CNTN4: variants seen among roughly 807,000 people sequenced by gnomAD.
CNTN4 encodes contactin 4.
In CNTN4, 77 loss-of-function variants were observed where a neutral mutation model predicts 122.5. That is an observed-to-expected ratio of 0.63 (90% CI 0.52 to 0.76). The LOEUF (loss-of-function observed/expected upper bound fraction) is 0.76. Among genes scored for constraint, CNTN4 ranks in the 30% least tolerant of loss-of-function variants. The probability of loss-of-function intolerance (pLI) is 0.00; values close to 1 mark genes in which losing one functional copy is unlikely to be tolerated. For missense variants in CNTN4, 1,256 were observed against 1,259.1 expected (o/e 1.00, Z 0.04); for synonymous variants, 512 against 447.0 (o/e 1.15, Z -1.83).
intron 3 of CNTN4, among the ~76,000 whole-genome samples, chr3:2,360,306 T>A (rs1044070392): frequency 6.6e-6 from 1 of 152,080 alleles, no homozygotes; most frequent in Non-Finnish European, 1.5e-5. Flanking sequence ...TAAAAAAAAA[T>A]ATTTTACTGT....
intron 4 of CNTN4, among the ~76,000 whole-genome samples, chr3:2,640,994 G>A (rs908234746): frequency 6.6e-6 from 1 of 152,166 alleles, no homozygotes; most frequent in Non-Finnish European, 1.5e-5. Flanking sequence ...AAAATTGGAG[G>A]GAGGTCATAA....
chr3:2,328,237 C>G (rs888818715), intron 2 of CNTN4, among the ~76,000 whole-genome samples: 1 of 151,746 alleles, frequency 6.6e-6, no homozygotes, highest in Admixed American at 6.6e-5. Flanking sequence ...AACCCCGTCT[C>G]TACTAAAAAT....
At chr3:2,930,475 A>G (rs1178322177) in intron 13 of CNTN4, among the ~76,000 whole-genome samples, 2 of 152,194 alleles carry the variant, frequency 1.3e-5, no homozygotes, top group African/African-American at 4.8e-5. Flanking sequence ...GAGACAAAAT[A>G]TTTTACTTTT....
chr3:3,003,013 C>T (rs548980469), intron 14 of CNTN4, among the ~76,000 whole-genome samples: 1 of 152,268 alleles, frequency 6.6e-6, no homozygotes, highest in East Asian at 1.9e-4. Context: ...CTTCATATAC[C>T]TGTCAAAATG....
intron 13 of CNTN4, among the ~76,000 whole-genome samples, chr3:2,943,272 T>A (rs1322138879): frequency 6.6e-6 from 1 of 152,140 alleles, no homozygotes; most frequent in Non-Finnish European, 1.5e-5. Context: ...TCCTGATGTA[T>A]TTTTCCACAG....
intron 3 of CNTN4, among the ~76,000 whole-genome samples, chr3:2,415,271 T>A (rs952312887): frequency 3.9e-5 from 6 of 152,302 alleles, no homozygotes; most frequent in Middle Eastern, 3.4e-3. Context: ...GCAACAGTAT[T>A]TTATAAAAGT....
chr3:2,916,551 G>A (rs1223772460), intron 12 of CNTN4, among the ~76,000 whole-genome samples: 1 of 141,332 alleles, frequency 7.1e-6, no homozygotes, highest in Non-Finnish European at 1.5e-5. Context: ...TCCCAAGGCA[G>A]AAGAATTTTT....
At chr3:2,936,221 A>T (rs561274874) in intron 13 of CNTN4, among the ~76,000 whole-genome samples, 1 of 152,292 alleles carries the variant, frequency 6.6e-6, no homozygotes, top group South Asian at 2.1e-4. Flanking sequence ...CTGGGAAAGC[A>T]TTTCAACTTC....
chr3:2,213,941 T>G (rs2038727126), intron 2 of CNTN4, among the ~76,000 whole-genome samples: 1 of 152,142 alleles, frequency 6.6e-6, no homozygotes, highest in African/African-American at 2.4e-5. Flanking sequence ...CCTTATTGTG[T>G]TCAGAAATTA....
chr3:2,418,592 T>G (rs920159902), intron 3 of CNTN4, among the ~76,000 whole-genome samples: 1 of 152,224 alleles, frequency 6.6e-6, no homozygotes, highest in East Asian at 1.9e-4. Context: ...GCGATTGCAT[T>G]TCTTTATTTA....
intron 2 of CNTN4, among the ~76,000 whole-genome samples, chr3:2,113,601 C>T (rs1353463988): frequency 6.6e-6 from 1 of 152,146 alleles, no homozygotes; most frequent in African/African-American, 2.4e-5. Context: ...ACACAACCTG[C>T]TTAATTGTAT....
At chr3:2,681,383 A>G (rs2085156899) in intron 4 of CNTN4, among the ~76,000 whole-genome samples, 1 of 152,162 alleles carries the variant, frequency 6.6e-6, no homozygotes, top group South Asian at 2.1e-4. Context: ...TGATCTCACC[A>G]GCAGTGCAAG....
intron 4 of CNTN4, among the ~76,000 whole-genome samples, chr3:2,676,210 C>T (rs374657773): frequency 1.3e-5 from 2 of 151,818 alleles, no homozygotes; most frequent in Non-Finnish European, 2.9e-5. Flanking sequence ...AAGATGTAAC[C>T]GACTGAGTGG....
intron 3 of CNTN4, among the ~76,000 whole-genome samples, chr3:2,430,757 A>G (rs1279337288): frequency 1.3e-5 from 2 of 152,140 alleles, no homozygotes; most frequent in African/African-American, 2.4e-5. Context: ...GTATACCTAT[A>G]TTATTCTACA....
intron 13 of CNTN4, among the ~76,000 whole-genome samples, chr3:2,950,468 C>G (rs1334551091): frequency 2.0e-5 from 3 of 152,156 alleles, no homozygotes; most frequent in African/African-American, 7.2e-5. Context: ...GTTAGGCCTG[C>G]CACTGTCTGT....
At chr3:2,744,619 G>A (rs1323778970) in intron 5 of CNTN4, among the ~76,000 whole-genome samples, 1 of 152,214 alleles carries the variant, frequency 6.6e-6, no homozygotes, top group Admixed American at 6.5e-5. Context: ...ATCGGATAGT[G>A]ACTGAGTTAT....
At chr3:2,638,167 T>C (rs1414783271) in intron 4 of CNTN4, among the ~76,000 whole-genome samples, 1 of 152,222 alleles carries the variant, frequency 6.6e-6, no homozygotes, top group Non-Finnish European at 1.5e-5. Context: ...AATTTTTCCA[T>C]TAACTTCTAC....
At chr3:3,017,213 G>A (rs1248094745) in intron 14 of CNTN4, among the ~76,000 whole-genome samples, 6 of 152,090 alleles carry the variant, frequency 3.9e-5, no homozygotes, top group Admixed American at 3.9e-4. Flanking sequence ...AAAAAGAGAG[G>A]TAAGATAAAT....
chr3:2,690,149 T>C lies in CNTN4; in HGVS notation c.56-46066T>C, dbSNP rs371668047. Among the ~76,000 whole-genome samples, 37 of 152,310 alleles carry C rather than the reference T, an allele frequency of 2.4e-4. No homozygotes were observed. In the South Asian group the frequency reaches 7.0e-3, roughly 29 times the overall value. On this transcript the variant is annotated intron_variant, in intron 4 of 24. Coordinates refer to ENST00000418658, the MANE Select transcript of CNTN4 (RefSeq NM_175607.3). ...AGGGCAATAGGTTTTCCAAAGTAAA[T>C]TTATATTCTATTAGCAGGTAGTGTG...
Sources: allele counts gnomAD v4.1 joint callset (sites outside exome capture counted in the v4.1 genomes callset), GRCh38; gene constraint gnomAD v4.1.1; transcripts MANE v1.5; gene names NCBI Gene and HGNC (gene_info 2026-07-23, HGNC 2026-07-21).